MATCAP2: variants seen among roughly 807,000 people sequenced by gnomAD.
MATCAP2 encodes the protein microtubule associated tyrosine carboxypeptidase 2.
the MATCAP2 span, chr7:36,389,709 G>GCCGGGAAGGAGGCGGGGCCGCC: frequency 3.4e-6 from 1 of 298,130 alleles, no homozygotes; most frequent in Non-Finnish European, 6.1e-6. Context: ...CTGGGAGGGG[G>GCCGGGAAGGAGGCGGGGCCGCC]CCGGGAAGGA....
chr7:36,353,162 C>T, the MATCAP2 span, among the ~76,000 whole-genome samples: 53 of 152,064 alleles, frequency 3.5e-4, no homozygotes, highest in African/African-American at 1.3e-3. Context: ...TAAGTCCCAG[C>T]TACTGGGGCT....
At chr7:36,332,287 A>G in the MATCAP2 span, among the ~76,000 whole-genome samples, 1 of 152,162 alleles carries the variant, frequency 6.6e-6, no homozygotes, top group African/African-American at 2.4e-5. Flanking sequence ...AATGCCCTTG[A>G]AAAAAAGAGT....
the MATCAP2 span, chr7:36,357,445 G>GT: frequency 6.2e-7 from 1 of 1,614,034 alleles, no homozygotes; most frequent in Non-Finnish European, 8.5e-7. Context: ...GTAGGACATT[G>GT]TAACTACTGG....
At chr7:36,347,598 T>G in the MATCAP2 span, among the ~76,000 whole-genome samples, 1 of 152,214 alleles carries the variant, frequency 6.6e-6, no homozygotes, top group East Asian at 1.9e-4. Context: ...CTGCCCTATT[T>G]ACCCCACAGA....
At chr7:36,357,145 C>T in the MATCAP2 span, 1 of 1,614,154 alleles carries the variant, frequency 6.2e-7, no homozygotes, top group Non-Finnish European at 8.5e-7. Context: ...AGAAATGGCA[C>T]CACTTGACCT....
At chr7:36,375,614 GGGA>G in the MATCAP2 span, among the ~76,000 whole-genome samples, 1 of 152,178 alleles carries the variant, frequency 6.6e-6, no homozygotes, top group South Asian at 2.1e-4. Flanking sequence ...AAATGAGTTA[GGGA>G]GGATTCCCTC....
the MATCAP2 span, chr7:36,357,289 G>A: frequency 6.2e-7 from 1 of 1,614,172 alleles, no homozygotes; most frequent in East Asian, 2.2e-5. Context: ...AAGTACCACT[G>A]CTTGTCACAG....
chr7:36,389,837 T>C, the MATCAP2 span: 1 of 1,097,554 alleles, frequency 9.1e-7, no homozygotes, highest in Non-Finnish European at 1.3e-6. Flanking sequence ...GCGCTGAAAT[T>C]CAAATTTGAA....
the MATCAP2 span, chr7:36,366,941 C>A: frequency 7.3e-7 from 1 of 1,375,246 alleles, no homozygotes; most frequent in South Asian, 1.8e-5. Context: ...ACTCCAGCAT[C>A]GTCGCCCCGA....
At chr7:36,385,187 G>T in the MATCAP2 span, among the ~76,000 whole-genome samples, 1 of 152,196 alleles carries the variant, frequency 6.6e-6, no homozygotes, top group Admixed American at 6.5e-5. Context: ...GTATAATGAA[G>T]ATATACCATG....
At chr7:36,383,948 T>G in the MATCAP2 span, 1 of 1,449,956 alleles carries the variant, frequency 6.9e-7, no homozygotes, top group South Asian at 1.4e-5. Flanking sequence ...TAAAAAGATT[T>G]GTGTTATTGT....
At chr7:36,386,369 T>C in the MATCAP2 span, among the ~76,000 whole-genome samples, 1 of 152,100 alleles carries the variant, frequency 6.6e-6, no homozygotes, top group African/African-American at 2.4e-5. Flanking sequence ...TCTCAGGGTA[T>C]GGAAGGATTT....
the MATCAP2 span, among the ~76,000 whole-genome samples, chr7:36,361,373 G>C: frequency 1.3e-5 from 2 of 152,208 alleles, no homozygotes; most frequent in Admixed American, 1.3e-4. Context: ...TGAAAAGGAA[G>C]ATCACCAGAA....
the MATCAP2 span, chr7:36,390,100 A>G: frequency 1.9e-6 from 3 of 1,611,196 alleles, no homozygotes; most frequent in Non-Finnish European, 2.5e-6. Flanking sequence ...GCCCCCACCC[A>G]CCTTCCTCTG....
chr7:36,334,535 CAAAAAAAAA>C, the MATCAP2 span, among the ~76,000 whole-genome samples: 37 of 49,522 alleles, frequency 7.5e-4, no homozygotes, highest in African/African-American at 2.2e-3. Context: ...GATCCCATCT[CAAAAAAAAA>C]AAAAAAAAAA....
the MATCAP2 span, chr7:36,356,987 T>G: frequency 1.3e-5 from 21 of 1,614,080 alleles, no homozygotes; most frequent in Non-Finnish European, 1.8e-5. Context: ...CTGAGGATTG[T>G]AGGTATAGTC....
chr7:36,362,273 T>C, the MATCAP2 span, among the ~76,000 whole-genome samples: 1 of 152,224 alleles, frequency 6.6e-6, no homozygotes, highest in African/African-American at 2.4e-5. Context: ...TTATCGACTG[T>C]ATGAAAATGA....
chr7:36,357,131 G>C, the MATCAP2 span: 1 of 1,614,220 alleles, frequency 6.2e-7, no homozygotes, highest in South Asian at 1.1e-5. Context: ...CTTTGGAAGA[G>C]TGGAGAAATG....
the MATCAP2 span, among the ~76,000 whole-genome samples, chr7:36,346,297 A>G: frequency 1.3e-5 from 2 of 152,234 alleles, no homozygotes; most frequent in Non-Finnish European, 1.5e-5. Flanking sequence ...TGGACCCAAG[A>G]TAACTGAAAA....
Sources: allele counts gnomAD v4.1 joint callset (sites outside exome capture counted in the v4.1 genomes callset), GRCh38; gene constraint gnomAD v4.1.1; transcripts MANE v1.5; gene names NCBI Gene and HGNC (gene_info 2026-07-23, HGNC 2026-07-21).